The following SMYD3 variants were observed in gnomAD, a reference collection of about 807,000 sequenced individuals.
The protein encoded by SMYD3 is SET and MYND domain containing 3.
SMYD3 carries 36 observed loss-of-function variants against 57.7 expected under a neutral mutation model. The observed-to-expected ratio is 0.62, with a 90% CI of 0.48 to 0.82. The LOEUF is 0.82. SMYD3 is among the 40% of genes least tolerant of loss of function. SMYD3 has a pLI of 0.00. For missense variants in SMYD3, 515 were observed against 538.8 expected (o/e 0.96, Z 0.44); for synonymous variants, 211 against 195.0 (o/e 1.08, Z -0.68).
chr1:246,291,846 T>A (rs2064697588), intron 5 of SMYD3, among the ~76,000 whole-genome samples: 1 of 152,208 alleles, frequency 6.6e-6, no homozygotes, highest in Middle Eastern at 3.2e-3. Flanking sequence ...AGGAGCCATT[T>A]CTACCTCCCA....
intron 4 of SMYD3, 113 bp downstream of exon 4, chr1:246,330,367 G>T: frequency 1.2e-6 from 1 of 801,944 alleles, no homozygotes; most frequent in Non-Finnish European, 1.9e-6. Flanking sequence ...ATTTTGTTAG[G>T]TTTGCATCAC....
At chr1:245,842,174 G>A (rs898152193) in intron 10 of SMYD3, among the ~76,000 whole-genome samples, 5 of 152,138 alleles carry the variant, frequency 3.3e-5, no homozygotes, top group African/African-American at 1.2e-4. Flanking sequence ...GCATTTCTCC[G>A]AACGTATCCC....
chr1:246,119,864 C>A (rs1572057971), intron 5 of SMYD3, among the ~76,000 whole-genome samples: 1 of 152,130 alleles, frequency 6.6e-6, no homozygotes, highest in Admixed American at 6.6e-5. Flanking sequence ...GAAAATGTTT[C>A]TTTTCTTACC....
At chr1:246,375,815 C>T (rs1465603675) in intron 1 of SMYD3, among the ~76,000 whole-genome samples, 5 of 152,088 alleles carry the variant, frequency 3.3e-5, no homozygotes, top group Non-Finnish European at 5.9e-5. Flanking sequence ...CTGCAACCTC[C>T]GCCCCCTGGG....
At chr1:245,982,294 G>A (rs1367650705) in intron 5 of SMYD3, among the ~76,000 whole-genome samples, 1 of 152,078 alleles carries the variant, frequency 6.6e-6, no homozygotes, top group Non-Finnish European at 1.5e-5. Flanking sequence ...ACTGCAGCTG[G>A]CTAATAGTTT....
chr1:246,324,796 T>C (rs2065311761), intron 5 of SMYD3, among the ~76,000 whole-genome samples: 1 of 151,208 alleles, frequency 6.6e-6, no homozygotes, highest in Non-Finnish European at 1.5e-5. Context: ...CAGAGTAAAA[T>C]GAGGAGAGGA....
intron 1 of SMYD3, among the ~76,000 whole-genome samples, chr1:246,462,278 GGGTA>G: frequency 5.2e-5 from 1 of 19,218 alleles, no homozygotes; most frequent in Non-Finnish European, 1.2e-4. Flanking sequence ...GGGGCCTGCT[GGGTA>G]CAGTGCATCC....
chr1:246,335,815 T>C (rs1247975507), intron 2 of SMYD3, among the ~76,000 whole-genome samples: 2 of 152,134 alleles, frequency 1.3e-5, no homozygotes, highest in Non-Finnish European at 2.9e-5. Context: ...GATTCAACAA[T>C]AGTCATTTTG....
intron 5 of SMYD3, among the ~76,000 whole-genome samples, chr1:245,940,402 T>C (rs973832084): frequency 6.6e-5 from 10 of 151,990 alleles, no homozygotes; most frequent in African/African-American, 2.4e-4. Context: ...GGTCAGTGCC[T>C]CTCTGGGAGG....
At chr1:245,778,367 C>T (rs941820882) in intron 10 of SMYD3, among the ~76,000 whole-genome samples, 3 of 152,102 alleles carry the variant, frequency 2.0e-5, no homozygotes, top group African/African-American at 7.2e-5. Flanking sequence ...TTGATTCACA[C>T]AAATGTAGCC....
chr1:245,866,141 C>T lies in SMYD3; in HGVS notation c.814-2255G>A, dbSNP rs180888919. 3.3e-5 allele frequency among the ~76,000 whole-genome samples: 5 copies of T among 152,288 alleles called. No homozygotes were observed. In the East Asian group the frequency reaches 7.7e-4, roughly 24 times the overall value. On this transcript the variant is annotated intron_variant, in intron 8 of 11. Transcript: ENST00000490107. ...CTGTGTTTTTGGGAAGAAGAAATATCACTCAAGTGTGCCAGGGCAGAAACA... is the reference window on the plus strand; with the variant it reads ...CTGTGTTTTTGGGAAGAAGAAATATTACTCAAGTGTGCCAGGGCAGAAACA...
chr1:246,287,167 C>A (rs2064585391), intron 5 of SMYD3, among the ~76,000 whole-genome samples: 1 of 152,088 alleles, frequency 6.6e-6, no homozygotes, highest in Non-Finnish European at 1.5e-5. Flanking sequence ...CCACAGTGCC[C>A]AGCCTAAAAT....
intron 1 of SMYD3, among the ~76,000 whole-genome samples, chr1:246,499,078 A>T (rs1254804234): frequency 6.6e-6 from 1 of 152,078 alleles, no homozygotes; most frequent in African/African-American, 2.4e-5. Flanking sequence ...TACAGGTGTA[A>T]GCCACCACTT....
At chr1:245,790,347 T>C (rs867659510) in intron 10 of SMYD3, among the ~76,000 whole-genome samples, 2 of 152,184 alleles carry the variant, frequency 1.3e-5, no homozygotes, top group South Asian at 4.1e-4. Context: ...TGAATGACCC[T>C]ACTTGCTAGA....
intron 10 of SMYD3, among the ~76,000 whole-genome samples, chr1:245,794,297 C>T (rs1214772657): frequency 6.6e-6 from 1 of 152,176 alleles, no homozygotes; most frequent in East Asian, 1.9e-4. Context: ...TTCCTTGTAC[C>T]TCTTAAAATA....
At chr1:245,853,977 T>C (rs2051108373) in intron 10 of SMYD3, among the ~76,000 whole-genome samples, 1 of 152,234 alleles carries the variant, frequency 6.6e-6, no homozygotes, top group Non-Finnish European at 1.5e-5. Context: ...CCCTTGCCTC[T>C]TTCTCTGATC....
At chr1:246,008,676 T>C (rs74905578) in intron 5 of SMYD3, among the ~76,000 whole-genome samples, 12,778 of 152,086 alleles carry the variant, frequency 0.084, 677 homozygotes, top group East Asian at 0.15. Flanking sequence ...TAATGAGGAG[T>C]CTCAACACCG....
chr1:245,978,815 G>A (rs1037922287), intron 5 of SMYD3, among the ~76,000 whole-genome samples: 6 of 152,014 alleles, frequency 3.9e-5, no homozygotes, highest in South Asian at 2.1e-4. Context: ...ATTTCCCCTT[G>A]TTCCCTCCAA....
chr1:245,754,058 G>A (rs568348217), intron 11 of SMYD3, among the ~76,000 whole-genome samples: 2 of 152,048 alleles, frequency 1.3e-5, no homozygotes, highest in African/African-American at 2.4e-5. Context: ...ATCCAGACTC[G>A]AAATGTCACA....
Sources: gnomAD v4.1 joint callset for allele counts (sites outside exome capture counted in the v4.1 genomes callset) on GRCh38, gnomAD v4.1.1 for gene constraint, MANE v1.5 for transcripts, NCBI Gene and HGNC (gene_info 2026-07-23, HGNC 2026-07-21) for gene names.